The following ANKRD30A variants were observed in gnomAD, a reference collection of about 807,000 sequenced individuals.
The protein encoded by ANKRD30A is ankyrin repeat domain 30A, also known as ankyrin repeat domain-containing protein 30A.
In ANKRD30A, 170 loss-of-function variants were observed where a neutral mutation model predicts 166.3. That is an observed-to-expected ratio of 1.02 (90% CI 0.90 to 1.16). ANKRD30A has a LOEUF of 1.16. Among genes scored for constraint, ANKRD30A ranks in the 50% most tolerant of loss-of-function variants. The pLI, the probability that ANKRD30A is intolerant of heterozygous loss-of-function variation, is 0.00. For synonymous variants in ANKRD30A, 564 were observed against 508.9 expected, an observed-to-expected ratio of 1.11 and a Z score of -1.46; for missense variants, 1,630 against 1,518.0, an observed-to-expected ratio of 1.07 and a Z score of -1.23.
chr10:37,253,534 C>T, the ANKRD30A span, among the ~76,000 whole-genome samples: 1 of 152,112 alleles, frequency 6.6e-6, no homozygotes, highest in Non-Finnish European at 1.5e-5. Context: ...GAAACCACTG[C>T]TCTTCTTTCT....
Position 37,195,749 on chromosome 10 carries a change from C to T in ANKRD30A, c.2615-1532C>T, listed in dbSNP as rs539581786. On this transcript the variant is annotated intron_variant, in intron 27 of 35. Transcript: ENST00000361713. ...CTCTACTAAAAATACAAAAAATTAG[C>T]CGGACGTGGTGGCACGCATTTCTAA... is the stretch of plus-strand genomic sequence containing the variant. Among the ~76,000 whole-genome samples the T allele has an allele frequency of 3.4e-4, 52 of 152,162 alleles. 1 individual carries two copies. The highest frequency in any genetic ancestry group is 1.0e-3 in the African/African-American group (42 of 41,508).
intron 11 of ANKRD30A, among the ~76,000 whole-genome samples, chr10:37,151,616 T>A (rs1438898161): frequency 6.6e-6 from 1 of 152,222 alleles, no homozygotes; most frequent in Non-Finnish European, 1.5e-5. Context: ...CTAAAAAATC[T>A]TATTCATTGA....
At chr10:37,258,427 A>G in the ANKRD30A span, among the ~76,000 whole-genome samples, 1 of 152,184 alleles carries the variant, frequency 6.6e-6, no homozygotes, top group South Asian at 2.1e-4. Flanking sequence ...TAGCAGAAGG[A>G]CATACAAATA....
chr10:37,142,122 G>C lies in ANKRD30A; in HGVS notation c.1225G>C (p.Ala409Pro), dbSNP rs201391167. Residue 409 changes from alanine (A) to proline (P), a missense_variant, in exon 7 of 36, where the codon GCA (alanine) becomes CCA (proline). By Grantham distance (27) the Ala-to-Pro change is conservative (BLOSUM62 -1). Around this residue, in one of 4 missense-constraint regions of ANKRD30A, gnomAD observed 904 missense variants for 818.5 expected, o/e 1.10. Transcript: ENST00000361713. ...AGAAACATCTGAGAAATTTACGTGG[G>C]CAGCAAAAGGAAGACCTAGGAAGAT... ...AKETSEKFTW[A>P]AKGRPRKIAW... 1.9e-6 allele frequency: 3 copies of C among 1,612,944 alleles called. No individual in the cohort carries two copies. Among genetic ancestry groups the C allele is most frequent in the South Asian group, 1.1e-5 (1 of 90,964 alleles).
intron 27 of ANKRD30A, among the ~76,000 whole-genome samples, chr10:37,196,993 T>C (rs1199595037): frequency 6.6e-6 from 1 of 152,184 alleles, no homozygotes; most frequent in African/African-American, 2.4e-5. Flanking sequence ...TAGCATTCCA[T>C]GTTCAGCTTT....
At chr10:37,217,567 A>G (rs1269695316) in intron 32 of ANKRD30A, 128 bp from the exon 33 acceptor site, 11 of 681,876 alleles carry the variant, frequency 1.6e-5, no homozygotes, top group Non-Finnish European at 2.4e-5. Context: ...GCTGAGAACT[A>G]GGAAGAAAAA....
chr10:37,133,011 A>C (rs189173935), intron 4 of ANKRD30A, among the ~76,000 whole-genome samples: 38 of 152,250 alleles, frequency 2.5e-4, no homozygotes, highest in African/African-American at 8.9e-4. Flanking sequence ...AAGAAAAAAA[A>C]AAAGAAAAAT....
At chr10:37,129,696 A>G (rs1206323958) in intron 1 of ANKRD30A, among the ~76,000 whole-genome samples, 197 bp from the exon 2 acceptor site, 2 of 152,218 alleles carry the variant, frequency 1.3e-5, no homozygotes, top group African/African-American at 4.8e-5. Flanking sequence ...AGCTCTTTCT[A>G]TTCAAATAGG....
intron 1 of ANKRD30A, among the ~76,000 whole-genome samples, chr10:37,127,684 C>T (rs1054831872): frequency 5.3e-5 from 8 of 152,024 alleles, no homozygotes; most frequent in Non-Finnish European, 1.2e-4. Context: ...CCTATGCACA[C>T]AGGAAATAAT....
intron 27 of ANKRD30A, among the ~76,000 whole-genome samples, chr10:37,193,942 G>C (rs1188336231): frequency 3.9e-5 from 6 of 152,160 alleles, no homozygotes; most frequent in African/African-American, 7.2e-5. Flanking sequence ...TGCCTGTAAT[G>C]ATAGCAGTTT....
In ANKRD30A at chr10:37,149,747, A is replaced by T. The variant is rs1326986670; in HGVS notation, c.1573-30A>T. On this transcript the variant is annotated intron_variant, in intron 10 of 35. Coordinates refer to ENST00000361713, the MANE Select transcript of ANKRD30A (RefSeq NM_052997.3). The stretch of plus-strand genomic sequence containing the variant: ...TGTATTTGTGAAGTATACATTCTTT[A>T]TTAATCATTTTGCTTCCAACCCCAT... 8.1e-6 allele frequency: 13 copies of T among 1,612,742 alleles called. No individual in the cohort carries two copies. The Admixed American group carries it at 2.2e-4, about 27-fold the overall frequency.
the ANKRD30A span, among the ~76,000 whole-genome samples, chr10:37,254,683 C>CTTTTTTTTTTTTT: frequency 7.9e-6 from 1 of 126,540 alleles, no homozygotes; most frequent in Non-Finnish European, 1.7e-5. Context: ...CTTTTCTTTT[C>CTTTTTTTTTTTTT]TTTTTTTTTT....
At position 37,219,315 on chromosome 10, in the gene ANKRD30A, A is replaced by G; in HGVS notation, c.3603A>G (p.Arg1201=). ...LEAEIESHHP[R]LASAVQDHDQ... is the part of the protein sequence containing the mutation. ...CAGAAATTGAATCACACCATCCTAG[A>G]CTGGCTTCTGCTGTACAAGACCATG... The change falls in exon 34 of 36, where the codon AGA becomes AGG. Residue 1201 remains arginine (R), a synonymous_variant. Coordinates refer to ENST00000361713, the MANE Select transcript of ANKRD30A (RefSeq NM_052997.3). The G allele has an allele frequency of 6.2e-7, 1 of 1,610,506 alleles. No homozygotes were observed. Among genetic ancestry groups the G allele is most frequent in the African/African-American group, 1.3e-5 (1 of 74,792 alleles).
the ANKRD30A span, among the ~76,000 whole-genome samples, chr10:37,257,535 G>C: frequency 1.3e-5 from 2 of 152,008 alleles, no homozygotes; most frequent in Non-Finnish European, 2.9e-5. Flanking sequence ...TGTGGGAATT[G>C]AGTGCTGTAA....
chr10:37,130,226 G>T lies in ANKRD30A; in HGVS notation c.358G>T (p.Ala120Ser). 1 of 1,595,874 alleles carries T rather than the reference G, an allele frequency of 6.3e-7. No individual in the cohort carries two copies. Among genetic ancestry groups the T allele is most frequent in the Non-Finnish European group, 8.5e-7 (1 of 1,172,188 alleles). Residue 120 changes from alanine (A) to serine (S), a missense_variant, in exon 3 of 36, where the codon GCT becomes TCT. Transcript: ENST00000361713. The stretch of plus-strand genomic sequence containing the variant: ...ACAGGCTCTACAATGCCATCAGGAG[G>T]CTTGTGCAAATATTCTGATAGATTC... ...LMKALQCHQE[A>S]CANILIDSGA...
At chr10:37,232,684 ATATATAT>A (rs1158780166), downstream of ANKRD30A, 14 of 8,320 alleles carry the variant, frequency 1.7e-3, no homozygotes, top group Admixed American at 0.035. Flanking sequence ...ATATATATAT[ATATATAT>A]ATAAATAGAG....
chr10:37,129,082 T>A (rs1305882783), intron 1 of ANKRD30A, among the ~76,000 whole-genome samples: 1 of 152,186 alleles, frequency 6.6e-6, no homozygotes, highest in Non-Finnish European at 1.5e-5. Flanking sequence ...TTTAATAATT[T>A]GTTGTCTTTA....
intron 13 of ANKRD30A, among the ~76,000 whole-genome samples, chr10:37,154,243 GT>G (rs1838187984): frequency 6.6e-6 from 1 of 152,188 alleles, no homozygotes; most frequent in African/African-American, 2.4e-5. Context: ...GGCCACACAT[GT>G]ATATAATTTG....
At chr10:37,167,043 G>A (rs925032768) in intron 19 of ANKRD30A, among the ~76,000 whole-genome samples, 2 of 152,100 alleles carry the variant, frequency 1.3e-5, no homozygotes, top group African/African-American at 2.4e-5. Flanking sequence ...TGTAATGGAG[G>A]ATGATAAAAT....
Sources: allele counts gnomAD v4.1 joint callset (sites outside exome capture counted in the v4.1 genomes callset), GRCh38; gene constraint gnomAD v4.1.1; regional missense constraint gnomAD v4.1.1; transcripts MANE v1.5; gene names NCBI Gene and HGNC (gene_info 2026-07-23, HGNC 2026-07-21).